GLRA3: variants seen among roughly 807,000 people sequenced by gnomAD.
The protein encoded by GLRA3 is glycine receptor alpha 3.
GLRA3 carries 44 observed loss-of-function variants against 60.4 expected under a neutral mutation model. That is an observed-to-expected ratio of 0.73 (90% confidence interval 0.57 to 0.94). GLRA3 has a LOEUF of 0.94. GLRA3 is among the 40% of genes least tolerant of loss of function. The pLI is 0.00. For missense variants in GLRA3, 508 were observed against 564.6 expected (o/e 0.90, Z 1.02); for synonymous variants, 223 against 192.9 (o/e 1.16, Z -1.29).
intron 3 of GLRA3, among the ~76,000 whole-genome samples, chr4:174,748,188 G>A (rs1385258048): frequency 2.0e-5 from 3 of 152,154 alleles, no homozygotes; most frequent in African/African-American, 7.2e-5. Flanking sequence ...AGTGGCCAGA[G>A]AGTCAGAAAA....
intron 6 of GLRA3, among the ~76,000 whole-genome samples, chr4:174,679,129 A>T (rs1479609080): frequency 6.6e-6 from 1 of 152,142 alleles, no homozygotes; most frequent in Non-Finnish European, 1.5e-5. Flanking sequence ...CAGGAGATGG[A>T]GACCAACCTG....
chr4:174,669,672 C>T (rs113424120), intron 7 of GLRA3, among the ~76,000 whole-genome samples: 5,227 of 152,180 alleles, frequency 0.034, 140 homozygotes, highest in Middle Eastern at 0.054. Context: ...AGTTCCTGGG[C>T]TCAAGCAATT....
rs528470236 is a variant in GLRA3 at position 174,751,338 on chromosome 4, C to A, written c.267+15625G>T. On this transcript the variant is annotated intron_variant, in intron 3 of 9. Transcript: ENST00000274093. ...ATAATGAAAGACAGGATGCAACAAT[C>A]ATTTTATGAGTGAAATAAATAGATA... is the stretch of plus-strand genomic sequence containing the variant. Among the ~76,000 whole-genome samples the A allele has an allele frequency of 8.2e-4, 125 of 152,140 alleles. 1 individual carries two copies. The highest frequency in any genetic ancestry group is 1.3e-3 in the Non-Finnish European group (90 of 67,982).
chr4:174,775,232 G>A (rs1418463602), intron 2 of GLRA3, among the ~76,000 whole-genome samples: 1 of 151,970 alleles, frequency 6.6e-6, no homozygotes, highest in Non-Finnish European at 1.5e-5. Flanking sequence ...TGTTATTCAA[G>A]AACAATAGTG....
At position 174,716,520 on chromosome 4, in the gene GLRA3, A is replaced by G. The variant is rs141309366; in HGVS notation, c.492-950T>C. Among the ~76,000 whole-genome samples the G allele has an allele frequency of 6.2e-3, 950 of 152,262 alleles. 14 individuals carry two copies. The highest frequency in any genetic ancestry group is 0.01 in the Non-Finnish European group (712 of 68,014). On this transcript the variant is annotated intron_variant, in intron 4 of 9. Transcript: ENST00000274093. ...TGGTGAGATCCACTCAAGTTTATTCAAATGAAGTTCTTTTCTGAGAACTCT... is the reference window on the plus strand; with the variant it reads ...TGGTGAGATCCACTCAAGTTTATTCGAATGAAGTTCTTTTCTGAGAACTCT...
intron 4 of GLRA3, among the ~76,000 whole-genome samples, chr4:174,721,005 CTTTGTG>C (rs1561076804): frequency 1.0e-5 from 1 of 100,086 alleles, no homozygotes; most frequent in African/African-American, 3.9e-5. Flanking sequence ...ACTGTGTGAA[CTTTGTG>C]TGTGTGTGTG....
chr4:174,647,780 A>G (rs2110851321), intron 9 of GLRA3, among the ~76,000 whole-genome samples: 1 of 152,294 alleles, frequency 6.6e-6, no homozygotes, highest in East Asian at 1.9e-4. Flanking sequence ...TGAAGGAAAA[A>G]TTGAGATAGT....
chr4:174,719,303 T>C (rs1257845849), intron 4 of GLRA3, among the ~76,000 whole-genome samples: 5 of 152,176 alleles, frequency 3.3e-5, no homozygotes, highest in African/African-American at 9.7e-5. Context: ...CTCAAAAGCA[T>C]TGAAGCATTT....
At chr4:174,735,429 C>A (rs906734865) in intron 3 of GLRA3, among the ~76,000 whole-genome samples, 2 of 152,324 alleles carry the variant, frequency 1.3e-5, no homozygotes, top group African/African-American at 4.8e-5. Context: ...AAATTTGCAT[C>A]ACAAATCCAC....
chr4:174,682,877 C>T lies in GLRA3; in HGVS notation c.637G>A (p.Glu213Lys), dbSNP rs1395553136. 1 of 1,612,232 alleles carries T rather than the reference C, an allele frequency of 6.2e-7. No homozygotes were observed. The highest frequency in any genetic ancestry group is 8.5e-7 in the Non-Finnish European group (1 of 1,178,274). ...AGAAACTGGGGCAAAGTGAGTCCTTCTGCCACTTGTACGGGTGCCTCATCT... is the reference window on the plus strand; with the variant it reads ...AGAAACTGGGGCAAAGTGAGTCCTTTTGCCACTTGTACGGGTGCCTCATCT... The part of the protein sequence containing the change: ...WQDEAPVQVA[E>K]GLTLPQFLLK... Residue 213 changes from glutamate (E) to lysine (K), a missense_variant, in exon 6 of 10, where the codon GAA (glutamate) becomes AAA (lysine). Coordinates refer to ENST00000274093, the MANE Select transcript of GLRA3 (RefSeq NM_006529.4).
Position 174,641,223 on chromosome 4 carries a change from G to A in GLRA3, c.*2563C>T, listed in dbSNP as rs1311234645. ...AATATGCACATTGGAATTCCAATTT[G>A]TGTGTTTAGTAGTTAATGTATATGC... is the stretch of plus-strand genomic sequence containing the variant. On this transcript the variant is annotated 3_prime_UTR_variant, in exon 10 of 10. Transcript: ENST00000274093. The A allele has an allele frequency of 9.2e-5, 14 of 152,024 alleles. No individual in the cohort carries two copies. The highest frequency in any genetic ancestry group is 8.5e-4 in the Admixed American group (13 of 15,244). 9.4% of individuals were successfully genotyped at this position (152,024 alleles called of 1,614,324 possible).
At position 174,728,606 on chromosome 4, in the gene GLRA3, G is replaced by C. The variant is rs1226435686; in HGVS notation, c.360C>G (p.Pro120=). 6.2e-7 allele frequency: 1 copy of C among 1,612,356 alleles called. No individual in the cohort carries two copies. The highest frequency in any genetic ancestry group is 8.5e-7 in the Non-Finnish European group (1 of 1,178,376). The change falls in exon 4 of 10, where the codon CCC becomes CCG. Residue 120 remains proline, a synonymous_variant. Transcript: ENST00000274093. ...EYPDDSLDLD[P]SMLDSIWKPD... Reference sequence around the variant, plus strand: ...GTTTCCAAATGGAGTCCAACATGGAGGGGTCGAGGTCTAAAGAGTCGTCAG... The same window carrying C: ...GTTTCCAAATGGAGTCCAACATGGACGGGTCGAGGTCTAAAGAGTCGTCAG...
At chr4:174,824,446 A>G (rs1181952536) in intron 1 of GLRA3, among the ~76,000 whole-genome samples, 1 of 152,166 alleles carries the variant, frequency 6.6e-6, no homozygotes, top group Non-Finnish European at 1.5e-5. Flanking sequence ...AATGATGACT[A>G]CTCAGTTATA....
intron 3 of GLRA3, among the ~76,000 whole-genome samples, chr4:174,760,994 T>G (rs1737923079): frequency 6.6e-6 from 1 of 152,198 alleles, no homozygotes; most frequent in Non-Finnish European, 1.5e-5. Context: ...TATGGTCATT[T>G]TGATTATATT....
At chr4:174,665,854 C>T (rs1209743155) in intron 7 of GLRA3, among the ~76,000 whole-genome samples, 2 of 152,006 alleles carry the variant, frequency 1.3e-5, no homozygotes, top group South Asian at 2.1e-4. Context: ...AATCACTGGC[C>T]ATTTATTATT....
rs1403149256 is a variant in GLRA3 at position 174,643,758 on chromosome 4, C to T, written c.*28G>A. 6.2e-7 allele frequency: 1 copy of T among 1,600,834 alleles called. No homozygotes were observed. Among genetic ancestry groups the T allele is most frequent in the Non-Finnish European group, 8.5e-7 (1 of 1,172,480 alleles). On this transcript the variant is annotated 3_prime_UTR_variant, in exon 10 of 10. Coordinates refer to ENST00000274093, the MANE Select transcript of GLRA3 (RefSeq NM_006529.4). Reference sequence around the variant, plus strand: ...GCAGAGACACTTTCTTCTGAATTGACCATTTGCATTTGCATGCCCCCAGAG... The same window carrying T: ...GCAGAGACACTTTCTTCTGAATTGATCATTTGCATTTGCATGCCCCCAGAG...
chr4:174,706,238 A>G (rs1457479808), intron 5 of GLRA3, among the ~76,000 whole-genome samples: 1 of 129,434 alleles, frequency 7.7e-6, no homozygotes, highest in East Asian at 3.4e-4. Context: ...TCAGAAAAAA[A>G]AAAGAAAAAA....
At chr4:174,717,851 A>C (rs1489051276) in intron 4 of GLRA3, among the ~76,000 whole-genome samples, 2 of 152,216 alleles carry the variant, frequency 1.3e-5, no homozygotes, top group Non-Finnish European at 2.9e-5. Context: ...TACACACATT[A>C]ATTTTCCAAA....
intron 4 of GLRA3, among the ~76,000 whole-genome samples, chr4:174,720,313 A>C (rs886299955): frequency 1.3e-5 from 2 of 152,322 alleles, no homozygotes; most frequent in South Asian, 4.1e-4. Flanking sequence ...AGGTTTATGG[A>C]TTCTGTAAAA....
Sources: allele counts gnomAD v4.1 joint callset (sites outside exome capture counted in the v4.1 genomes callset), GRCh38; gene constraint gnomAD v4.1.1; transcripts MANE v1.5; gene names NCBI Gene and HGNC (gene_info 2026-07-23, HGNC 2026-07-21).